Variants in SNX25 observed in about 807,000 individuals in gnomAD.
The protein encoded by SNX25 is sorting nexin-25.
In SNX25, 62 loss-of-function variants were observed where a neutral mutation model predicts 113.7. The observed-to-expected ratio is 0.55, with a 90% CI of 0.44 to 0.67. The LOEUF (loss-of-function observed/expected upper bound fraction) is 0.67, where lower values mean the gene tolerates loss of function less well. SNX25 is among the 30% of genes least tolerant of loss of function. SNX25 has a pLI of 0.00. For missense variants in SNX25, 1,014 were observed against 1,161.0 expected (o/e 0.87, Z 1.84); for synonymous variants, 421 against 436.2 (o/e 0.97, Z 0.43).
chr4:185,301,415 G>A (rs1011994231), intron 6 of SNX25, among the ~76,000 whole-genome samples: 2 of 151,924 alleles, frequency 1.3e-5, no homozygotes, highest in East Asian at 1.9e-4. Context: ...TTTTGGAGAC[G>A]GAGTCTCACT....
chr4:185,372,152 G>A (rs564385608), downstream of SNX25, among the ~76,000 whole-genome samples: 1 of 152,292 alleles, frequency 6.6e-6, no homozygotes, highest in East Asian at 1.9e-4. Flanking sequence ...TGCAGTTATA[G>A]AACTGCATGA....
intron 2 of SNX25, among the ~76,000 whole-genome samples, chr4:185,251,819 G>GA (rs552070233): frequency 2.6e-4 from 38 of 146,470 alleles, no homozygotes; most frequent in South Asian, 1.9e-3. Context: ...TACTTGTGGG[G>GA]AAAAAAAAAA....
chr4:185,357,548 C>T, intron 15 of SNX25, 123 bp from the exon 16 acceptor site: 1 of 799,530 alleles, frequency 1.3e-6, no homozygotes, highest in Non-Finnish European at 2.1e-6. Context: ...GATGTCATAG[C>T]CATGACTTGA....
intron 6 of SNX25, among the ~76,000 whole-genome samples, chr4:185,306,237 G>A (rs1484910473): frequency 2.0e-5 from 3 of 152,234 alleles, no homozygotes; most frequent in Admixed American, 6.5e-5. Flanking sequence ...GGATGCATGA[G>A]CTCCACGTTA....
rs1328226551 is a variant in SNX25 at position 185,264,571 on chromosome 4, A to C, written c.865A>C (p.Ser289Arg). ...LLPSKDVQSL[S>R]LRIMLAEILT... ...CCCCTCAAAGGATGTGCAGTCTCTC[A>C]GCTTACGTATAATGCTTGCAGAAAT... Residue 289 changes from serine (S) to arginine (R), a missense_variant, in exon 4 of 19, where the codon AGC (serine) becomes CGC (arginine). Ser to Arg is a moderately radical substitution (Grantham distance 110). Coordinates refer to ENST00000652585, the MANE Select transcript of SNX25 (RefSeq NM_001378034.2). 1 of 1,613,932 alleles carries C rather than the reference A, an allele frequency of 6.2e-7. No individual in the cohort carries two copies. Among genetic ancestry groups the C allele is most frequent in the Non-Finnish European group, 8.5e-7 (1 of 1,179,940 alleles).
At chr4:185,257,990 T>C (rs1196283249) in intron 2 of SNX25, among the ~76,000 whole-genome samples, 1 of 152,110 alleles carries the variant, frequency 6.6e-6, no homozygotes, top group Non-Finnish European at 1.5e-5. Flanking sequence ...ATGTACAATA[T>C]GGGATTAAGT....
At chr4:185,314,424 G>T (rs1345642902) in intron 7 of SNX25, among the ~76,000 whole-genome samples, 1 of 151,802 alleles carries the variant, frequency 6.6e-6, no homozygotes, top group East Asian at 1.9e-4. Flanking sequence ...TATTAGGAAT[G>T]AAATAGGACA....
At chr4:185,214,757 T>G (rs371900939) in intron 1 of SNX25, among the ~76,000 whole-genome samples, 1 of 152,228 alleles carries the variant, frequency 6.6e-6, no homozygotes, top group African/African-American at 2.4e-5. Context: ...TTTCTGACCT[T>G]GTGAGATAAT....
At chr4:185,375,487 A>AAAAAAAATATATATATAT in the SNX25 span, 1 of 12,016 alleles carries the variant, frequency 8.3e-5, no homozygotes, top group African/African-American at 2.9e-4. Flanking sequence ...AAAAAAAAAA[A>AAAAAAAATATATATATAT]ATATATATAT....
Position 185,342,034 on chromosome 4 carries a change from A to G in SNX25, c.2105A>G (p.Glu702Gly). 2.5e-6 allele frequency: 4 copies of G among 1,611,470 alleles called. No homozygotes were observed. The highest frequency in any genetic ancestry group is 3.4e-6 in the Non-Finnish European group (4 of 1,178,972). ...PCYFVMVSLQ[E>G]VGGVETKNWT... ...TACTTTGTCATGGTAAGCCTACAAG[A>G]AGTTGGAGGAGTTGAAACTAAGAAC... The change falls in exon 12 of 19, where the codon GAA becomes GGA. Residue 702 changes from glutamate (E) to glycine (G), a missense_variant. Coordinates refer to ENST00000652585, the MANE Select transcript of SNX25 (RefSeq NM_001378034.2).
At chr4:185,282,932 C>G (rs1203190640) in intron 5 of SNX25, among the ~76,000 whole-genome samples, 1 of 152,146 alleles carries the variant, frequency 6.6e-6, no homozygotes, top group African/African-American at 2.4e-5. Context: ...TCCCCGTGTC[C>G]TCATGGATAG....
chr4:185,285,447 A>G (rs1301597425), intron 5 of SNX25, among the ~76,000 whole-genome samples: 6 of 152,246 alleles, frequency 3.9e-5, no homozygotes, highest in Non-Finnish European at 8.8e-5. Flanking sequence ...AACTTGCTAC[A>G]ACAAACATGT....
intron 13 of SNX25, among the ~76,000 whole-genome samples, chr4:185,351,072 G>A (rs1418224182): frequency 6.6e-6 from 1 of 152,138 alleles, no homozygotes; most frequent in Non-Finnish European, 1.5e-5. Flanking sequence ...AAAAATTTAA[G>A]TTGGTCAAAC....
intron 2 of SNX25, among the ~76,000 whole-genome samples, chr4:185,247,816 A>G (rs1240804460): frequency 1.3e-5 from 2 of 152,246 alleles, no homozygotes; most frequent in African/African-American, 2.4e-5. Flanking sequence ...CTTGTCTTGA[A>G]GAAGGCAGAA....
At chr4:185,220,760 G>A (rs764078626) in intron 1 of SNX25, among the ~76,000 whole-genome samples, 6 of 152,122 alleles carry the variant, frequency 3.9e-5, no homozygotes, top group Non-Finnish European at 7.4e-5. Flanking sequence ...GATTACAGGC[G>A]TGAGCCACTG....
downstream of SNX25, chr4:185,374,363 A>G (rs199651134): frequency 1.3e-4 from 215 of 1,614,100 alleles, no homozygotes; most frequent in Middle Eastern, 8.2e-4. Flanking sequence ...TTCCTTCATA[A>G]TAAGCTCTTC....
chr4:185,360,949 A>C (rs931506238), intron 16 of SNX25, among the ~76,000 whole-genome samples: 3 of 149,806 alleles, frequency 2.0e-5, no homozygotes, highest in African/African-American at 7.4e-5. Context: ...ATATATATAT[A>C]TATAGAATCT....
At chr4:185,318,881 C>T (rs1443504264) in intron 7 of SNX25, among the ~76,000 whole-genome samples, 1 of 152,124 alleles carries the variant, frequency 6.6e-6, no homozygotes, top group Non-Finnish European at 1.5e-5. Context: ...ATGCAGGAAG[C>T]TGTCTTTCCT....
chr4:185,241,935 ATTG>A (rs1395115186), intron 1 of SNX25, among the ~76,000 whole-genome samples: 1 of 152,100 alleles, frequency 6.6e-6, no homozygotes, highest in Non-Finnish European at 1.5e-5. Flanking sequence ...GAAGACAATT[ATTG>A]TTTGGTTATC....
Sources: gnomAD v4.1 joint callset for allele counts (sites outside exome capture counted in the v4.1 genomes callset) on GRCh38, gnomAD v4.1.1 for gene constraint, MANE v1.5 for transcripts, NCBI Gene and HGNC (gene_info 2026-07-23, HGNC 2026-07-21) for gene names.